ZNF69: variants seen among roughly 807,000 people sequenced by gnomAD.
The protein encoded by ZNF69 is zinc finger protein 69.
A neutral mutation model predicts 50.9 loss-of-function variants in ZNF69; 47 were observed. That is an observed-to-expected ratio of 0.92 (90% CI 0.73 to 1.18). The LOEUF is 1.18. ZNF69 is among the 50% of genes most tolerant of loss of function. The pLI, the probability that ZNF69 is intolerant of heterozygous loss-of-function variation, is 0.00. For synonymous variants in ZNF69, 216 were observed against 223.1 expected, an observed-to-expected ratio of 0.97 and a Z score of 0.29; for missense variants, 717 against 675.1, an observed-to-expected ratio of 1.06 and a Z score of -0.69.
At chr19:11,918,504 A>G (rs960211988), downstream of ZNF69, among the ~76,000 whole-genome samples, 1 of 151,976 alleles carries the variant, frequency 6.6e-6, no homozygotes, top group Admixed American at 6.6e-5. Flanking sequence ...TTTTATTTTA[A>G]TTTGAGACAT....
chr19:11,932,489 A>AAGAGTTGC, the ZNF69 span, among the ~76,000 whole-genome samples: 1 of 148,558 alleles, frequency 6.7e-6, no homozygotes, highest in Admixed American at 6.6e-5. Context: ...AAATACATAA[A>AAGAGTTGC]AGAGTTGCAC....
the ZNF69 span, among the ~76,000 whole-genome samples, chr19:11,968,973 G>A: frequency 6.6e-6 from 1 of 152,202 alleles, no homozygotes; most frequent in East Asian, 1.9e-4. Flanking sequence ...AGGCAAATCT[G>A]TAATCAGGGA....
At chr19:11,900,466 C>T (rs945962859) in intron 1 of ZNF69, among the ~76,000 whole-genome samples, 48 of 151,832 alleles carry the variant, frequency 3.2e-4, no homozygotes, top group African/African-American at 1.1e-3. Context: ...GATTCTCCTG[C>T]CTCAGCCTCC....
intron 1 of ZNF69, among the ~76,000 whole-genome samples, chr19:11,894,175 ATCT>A (rs1977165361): frequency 6.6e-6 from 1 of 151,928 alleles, no homozygotes; most frequent in Non-Finnish European, 1.5e-5. Flanking sequence ...AAAAACAGAG[ATCT>A]TTTTTTTTTG....
At chr19:11,889,132 G>T (rs984745888) in intron 1 of ZNF69, among the ~76,000 whole-genome samples, 1 of 152,164 alleles carries the variant, frequency 6.6e-6, no homozygotes, top group African/African-American at 2.4e-5. Flanking sequence ...AAGGGGGTCT[G>T]TTATCTGCCA....
the ZNF69 span, among the ~76,000 whole-genome samples, chr19:11,962,313 C>T: frequency 6.6e-6 from 1 of 151,950 alleles, no homozygotes; most frequent in Non-Finnish European, 1.5e-5. Flanking sequence ...GAGAAAGATT[C>T]TTTCTTAAGG....
chr19:11,950,967 G>A, the ZNF69 span, among the ~76,000 whole-genome samples: 4 of 151,716 alleles, frequency 2.6e-5, no homozygotes, highest in African/African-American at 4.8e-5. Context: ...TCTGACCAAC[G>A]TGGTGAAACC....
intron 1 of ZNF69, among the ~76,000 whole-genome samples, chr19:11,893,167 C>G (rs144043706): frequency 6.6e-6 from 1 of 152,290 alleles, no homozygotes; most frequent in African/African-American, 2.4e-5. Flanking sequence ...GTTATGTAAT[C>G]AGAGGTTAAT....
the ZNF69 span, among the ~76,000 whole-genome samples, chr19:11,929,981 T>C: frequency 1.3e-5 from 2 of 148,246 alleles, no homozygotes; most frequent in South Asian, 4.2e-4. Context: ...CTCCTATCTT[T>C]TCCAGATTTT....
chr19:11,976,895 A>C, the ZNF69 span: 1 of 1,516,700 alleles, frequency 6.6e-7, no homozygotes, highest in Non-Finnish European at 8.8e-7. Context: ...TTATGGAAGA[A>C]AGTACAGAAA....
chr19:11,962,452 C>T, the ZNF69 span, among the ~76,000 whole-genome samples: 1 of 152,172 alleles, frequency 6.6e-6, no homozygotes, highest in Non-Finnish European at 1.5e-5. Context: ...GCAGAAACTC[C>T]TGGGCTCAAG....
the ZNF69 span, among the ~76,000 whole-genome samples, chr19:11,970,995 G>T: frequency 1.3e-5 from 2 of 152,006 alleles, no homozygotes; most frequent in African/African-American, 4.8e-5. Context: ...TTTTCCATTG[G>T]TCTGTCCTTC....
At chr19:11,938,232 C>T in the ZNF69 span, among the ~76,000 whole-genome samples, 2 of 152,052 alleles carry the variant, frequency 1.3e-5, no homozygotes, top group Non-Finnish European at 2.9e-5. Flanking sequence ...CCACACCTGG[C>T]TGATTTTTTT....
chr19:11,890,817 A>G (rs1372247823), intron 1 of ZNF69, among the ~76,000 whole-genome samples: 1 of 152,190 alleles, frequency 6.6e-6, no homozygotes, highest in Admixed American at 6.6e-5. Context: ...TATAAGGTAC[A>G]TGAGGAGACA....
the ZNF69 span, chr19:11,965,051 T>A: frequency 1.1e-5 from 9 of 848,800 alleles, no homozygotes; most frequent in East Asian, 3.1e-5. Context: ...TGTCCTCACC[T>A]TTGTCCTTGC....
In ZNF69 at chr19:11,904,518, C is replaced by T. The variant is rs964161945; in HGVS notation, c.252-131C>T. 1.4e-5 allele frequency: 18 copies of T among 1,328,862 alleles called. No homozygotes were observed. In the African/African-American group the frequency reaches 2.4e-4, roughly 18 times the overall value. The allele number at this position is 1,328,862 out of a possible 1,614,324, so 82.3% of individuals were successfully genotyped here. A position where few individuals can be genotyped will look rare whatever the true frequency, so the allele number is the denominator to read the frequency against. On this transcript the variant is annotated intron_variant, in intron 3 of 3. Coordinates refer to ENST00000429654, the MANE Select transcript of ZNF69 (RefSeq NM_001364730.1). ...GTACAATGGGTTGTCCAGTCACCTT[C>T]AAACAATTCAGACAGGGCAGAAAGC... is the stretch of plus-strand genomic sequence containing the variant.
downstream of ZNF69, among the ~76,000 whole-genome samples, chr19:11,908,384 A>G (rs1255236341): frequency 5.3e-5 from 8 of 152,238 alleles, no homozygotes; most frequent in African/African-American, 1.9e-4. Flanking sequence ...TCTCAGCACC[A>G]CATCACACTT....
chr19:11,932,825 G>A, the ZNF69 span, among the ~76,000 whole-genome samples: 1 of 147,364 alleles, frequency 6.8e-6, no homozygotes, highest in East Asian at 1.9e-4. Context: ...TTTTAGTAGA[G>A]ACGGGGTTTC....
At chr19:11,890,900 A>G (rs1977069724) in intron 1 of ZNF69, among the ~76,000 whole-genome samples, 2 of 152,212 alleles carry the variant, frequency 1.3e-5, no homozygotes, top group South Asian at 2.1e-4. Flanking sequence ...AAATAATTCA[A>G]AGGTTCAGAT....
Sources: gnomAD v4.1 joint callset for allele counts (sites outside exome capture counted in the v4.1 genomes callset) on GRCh38, gnomAD v4.1.1 for gene constraint, MANE v1.5 for transcripts, NCBI Gene and HGNC (gene_info 2026-07-23, HGNC 2026-07-21) for gene names.